Variants in NEDD8 observed in about 807,000 individuals in gnomAD.
NEDD8 encodes NEDD8 ubiquitin like modifier.
Under a neutral mutation model 13.8 loss-of-function variants are expected in NEDD8, and 1 was observed. That is an observed-to-expected ratio of 0.07 (90% confidence interval 0.03 to 0.34). The LOEUF (loss-of-function observed/expected upper bound fraction) is 0.34, where lower values mean the gene tolerates loss of function less well. NEDD8 is among the 10% of genes least tolerant of loss of function. The probability of loss-of-function intolerance (pLI) is 0.99; values close to 1 mark genes in which losing one functional copy is unlikely to be tolerated. For missense variants in NEDD8, 10 were observed against 95.2 expected, an observed-to-expected ratio of 0.10 and a Z score of 3.73; for synonymous variants, 31 against 33.2, an observed-to-expected ratio of 0.93 and a Z score of 0.23.
chr14:24,226,039 CAA>C (rs1228074409), intron 1 of NEDD8, among the ~76,000 whole-genome samples: 22 of 105,734 alleles, frequency 2.1e-4, no homozygotes, highest in Middle Eastern at 6.3e-3. Context: ...ACTCCATCTC[CAA>C]AAAAAAAAAA....
chr14:24,217,446 C>A (rs752498484), intron 3 of NEDD8, among the ~76,000 whole-genome samples: 4 of 152,030 alleles, frequency 2.6e-5, no homozygotes, highest in Non-Finnish European at 5.9e-5. Context: ...CCCACCACCA[C>A]GCCCAGCTAA....
At chr14:24,219,933 A>C (rs1220736469) in intron 1 of NEDD8, among the ~76,000 whole-genome samples, 2 of 152,136 alleles carry the variant, frequency 1.3e-5, no homozygotes, top group Non-Finnish European at 2.9e-5. Context: ...TGAGGTTGGG[A>C]GTTCAAGACC....
intron 3 of NEDD8, 59 bp downstream of exon 3, chr14:24,218,074 C>CT: frequency 6.2e-7 from 1 of 1,609,876 alleles, no homozygotes; most frequent in Non-Finnish European, 8.5e-7. Context: ...TACGTGCCCC[C>CT]TCTCCTCTTC....
chr14:24,232,323 C>T lies in NEDD8; in HGVS notation c.-56G>A, dbSNP rs374692467. ...AAATTGCTGCTCCTACCGCTCCGGTCGCCGCTGCCGCCCTCCAGCACTCTT... is the reference window on the plus strand; with the variant it reads ...AAATTGCTGCTCCTACCGCTCCGGTTGCCGCTGCCGCCCTCCAGCACTCTT... On this transcript the variant is annotated 5_prime_UTR_variant, in exon 1 of 4. Transcript: ENST00000250495. 9 of 1,592,792 alleles carry T rather than the reference C, an allele frequency of 5.7e-6. No homozygotes were observed. The Admixed American group carries it at 1.4e-4, about 24-fold the overall frequency.
chr14:24,220,364 C>G (rs2039786142), intron 1 of NEDD8, among the ~76,000 whole-genome samples: 1 of 152,138 alleles, frequency 6.6e-6, no homozygotes, highest in African/African-American at 2.4e-5. Flanking sequence ...CTGTATCAAG[C>G]AGGCTGGAGT....
chr14:24,229,493 C>G (rs980871790), intron 1 of NEDD8, among the ~76,000 whole-genome samples: 1 of 152,196 alleles, frequency 6.6e-6, no homozygotes, highest in Non-Finnish European at 1.5e-5. Context: ...GCTGGGATTA[C>G]AGGCGTGAGC....
At chr14:24,224,052 A>C (rs1024728134) in intron 1 of NEDD8, among the ~76,000 whole-genome samples, 3 of 151,816 alleles carry the variant, frequency 2.0e-5, no homozygotes, top group African/African-American at 4.8e-5. Flanking sequence ...CTCAGCCTCC[A>C]GAGTAGCTGG....
chr14:24,218,263 TGGAAAC>T (rs1566664213), intron 2 of NEDD8, 48 bp from the exon 3 acceptor site: 12 of 1,613,878 alleles, frequency 7.4e-6, no homozygotes, highest in Non-Finnish European at 8.5e-6. Flanking sequence ...GGTAGGACCA[TGGAAAC>T]GGAAAGAACA....
chr14:24,218,611 G>A, intron 1 of NEDD8, 180 bp from the exon 2 acceptor site: 1 of 840,300 alleles, frequency 1.2e-6, no homozygotes, highest in South Asian at 1.8e-5. Flanking sequence ...ATATTTTTAG[G>A]CTGTAAACAA....
chr14:24,232,337 T>C lies in NEDD8; in HGVS notation c.-70A>G. ...ACCGCTCCGGTCGCCGCTGCCGCCC[T>C]CCAGCACTCTTGCCTGCAAGGGCCA... On this transcript the variant is annotated 5_prime_UTR_variant, in exon 1 of 4. Coordinates refer to ENST00000250495, the MANE Select transcript of NEDD8 (RefSeq NM_006156.3). 1.4e-6 allele frequency: 2 copies of C among 1,427,832 alleles called. No individual in the cohort carries two copies. The highest frequency in any genetic ancestry group is 9.3e-7 in the Non-Finnish European group (1 of 1,073,344). 88.4% of individuals were successfully genotyped at this position (1,427,832 alleles called of 1,614,324 possible). A position where few individuals can be genotyped will look rare whatever the true frequency, so the allele number is the denominator to read the frequency against.
chr14:24,230,869 C>T (rs1338675283), intron 1 of NEDD8, among the ~76,000 whole-genome samples: 2 of 152,082 alleles, frequency 1.3e-5, no homozygotes, highest in Non-Finnish European at 2.9e-5. Context: ...CCACCCACCT[C>T]GGCCTCCCAA....
At chr14:24,218,298 T>C (rs1048972628) in intron 2 of NEDD8, 83 bp from the exon 3 acceptor site, 6 of 1,613,874 alleles carry the variant, frequency 3.7e-6, no homozygotes, top group Non-Finnish European at 5.1e-6. Context: ...GCAGACAGCA[T>C]GAGAGCAAAA....
At chr14:24,229,186 C>G (rs1041758780) in intron 1 of NEDD8, among the ~76,000 whole-genome samples, 35 of 152,138 alleles carry the variant, frequency 2.3e-4, no homozygotes, top group Non-Finnish European at 4.0e-4. Context: ...TTCAAGTTTC[C>G]ACACACAGCA....
intron 1 of NEDD8, chr14:24,231,505 GTC>G (rs2040022041): frequency 7.2e-6 from 1 of 139,392 alleles, no homozygotes; most frequent in African/African-American, 2.7e-5. Flanking sequence ...GGGGGGGGGG[GTC>G]TCTGTCTGTC....
intron 1 of NEDD8, among the ~76,000 whole-genome samples, chr14:24,230,396 G>A (rs1444536368): frequency 1.1e-4 from 17 of 148,420 alleles, no homozygotes; most frequent in African/African-American, 3.7e-4. Flanking sequence ...TTAGCTGGGC[G>A]TGGTGGCAGG....
At chr14:24,230,167 A>G (rs1297161150) in intron 1 of NEDD8, among the ~76,000 whole-genome samples, 1 of 150,700 alleles carries the variant, frequency 6.6e-6, no homozygotes, top group Non-Finnish European at 1.5e-5. Flanking sequence ...TAATATACAT[A>G]TAAAATAAAA....
intron 1 of NEDD8, 73 bp downstream of exon 1, chr14:24,232,177 C>T: frequency 6.2e-7 from 1 of 1,607,608 alleles, no homozygotes; most frequent in Non-Finnish European, 8.5e-7. Flanking sequence ...GGTTTTCCTT[C>T]CCCACGTCTC....
At chr14:24,225,450 G>A (rs1188250143) in intron 1 of NEDD8, among the ~76,000 whole-genome samples, 5 of 152,134 alleles carry the variant, frequency 3.3e-5, no homozygotes. Flanking sequence ...TAGAAAAAAG[G>A]TTATCTTTCA....
intron 1 of NEDD8, 184 bp downstream of exon 1, chr14:24,232,066 C>A: frequency 1.1e-6 from 1 of 888,722 alleles, no homozygotes; most frequent in Non-Finnish European, 1.7e-6. Context: ...CAGGTGGGAC[C>A]TGGGCCCCGC....
Sources: gnomAD v4.1 joint callset for allele counts (sites outside exome capture counted in the v4.1 genomes callset) on GRCh38, gnomAD v4.1.1 for gene constraint, MANE v1.5 for transcripts, NCBI Gene and HGNC (gene_info 2026-07-23, HGNC 2026-07-21) for gene names.